DNER: variants seen among roughly 807,000 people sequenced by gnomAD.
DNER encodes the protein delta and Notch-like epidermal growth factor-related receptor.
A neutral mutation model predicts 78.2 loss-of-function variants in DNER; 33 were observed. The ratio of observed to expected loss-of-function variants is 0.42; its 90% CI spans 0.32 to 0.56. The LOEUF is 0.56. Among genes scored for constraint, DNER ranks in the 20% least tolerant of loss-of-function variants. The pLI is 0.11. For synonymous variants in DNER, 417 were observed against 384.8 expected (o/e 1.08, Z -0.98); for missense variants, 918 against 975.3 (o/e 0.94, Z 0.78).
At chr2:229,499,931 C>CTTTCTTTTTTTT (rs1286404166) in intron 6 of DNER, among the ~76,000 whole-genome samples, 8 of 134,832 alleles carry the variant, frequency 5.9e-5, no homozygotes, top group South Asian at 2.3e-4. Context: ...GACTTTCTTT[C>CTTTCTTTTTTTT]TTTTTTTTTT....
At chr2:229,571,228 T>C (rs919029582) in intron 4 of DNER, among the ~76,000 whole-genome samples, 4 of 152,026 alleles carry the variant, frequency 2.6e-5, no homozygotes, top group Admixed American at 6.6e-5. Flanking sequence ...TTAAGGATGA[T>C]GCCCAGGCCT....
At chr2:229,505,733 T>C (rs1357527644) in intron 6 of DNER, among the ~76,000 whole-genome samples, 1 of 152,200 alleles carries the variant, frequency 6.6e-6, no homozygotes, top group Non-Finnish European at 1.5e-5. Context: ...TTATACACGT[T>C]TCAAGAACCT....
rs114872846 is a variant in DNER, at chr2:229,556,242, G to A, written c.848-9150C>T. Among the ~76,000 whole-genome samples, 331 of 152,288 alleles carry A rather than the reference G, an allele frequency of 2.2e-3. 4 individuals are homozygous for A. Among genetic ancestry groups the A allele is most frequent in the African/African-American group, 7.6e-3 (314 of 41,546 alleles). ...GTGAGACACCACTGTAAATTCTAAG[G>A]TTACAAAGATAAGTCACGCTTGGTT... On this transcript the variant is annotated intron_variant, in intron 4 of 12. Transcript: ENST00000341772.
intron 1 of DNER, among the ~76,000 whole-genome samples, chr2:229,691,418 G>T (rs1264262491): frequency 6.6e-6 from 1 of 152,016 alleles, no homozygotes; most frequent in Non-Finnish European, 1.5e-5. Context: ...TCCTAAATGA[G>T]GGGAGATTAA....
intron 11 of DNER, among the ~76,000 whole-genome samples, chr2:229,368,105 T>C (rs1692393227): frequency 6.6e-6 from 1 of 152,214 alleles, no homozygotes; most frequent in South Asian, 2.1e-4. Context: ...CTCATGCTTG[T>C]AATCCCAGCA....
chr2:229,485,502 G>T (rs1278391477), intron 6 of DNER, among the ~76,000 whole-genome samples: 2 of 152,160 alleles, frequency 1.3e-5, no homozygotes, highest in Non-Finnish European at 2.9e-5. Context: ...TCTAGAGAGA[G>T]AAGAGTGGCT....
intron 1 of DNER, among the ~76,000 whole-genome samples, chr2:229,671,589 C>T (rs74337721): frequency 0.021 from 3,138 of 152,280 alleles, 76 homozygotes; most frequent in African/African-American, 0.062. Context: ...GTTCACTGTC[C>T]TATGCCCACC....
At chr2:229,638,065 A>C (rs1464116930) in intron 1 of DNER, among the ~76,000 whole-genome samples, 2 of 152,216 alleles carry the variant, frequency 1.3e-5, no homozygotes, top group Non-Finnish European at 2.9e-5. Flanking sequence ...AATTATGAAC[A>C]ATCCTTTAAA....
chr2:229,582,098 A>C (rs1697408367), intron 4 of DNER, among the ~76,000 whole-genome samples: 1 of 152,198 alleles, frequency 6.6e-6, no homozygotes, highest in African/African-American at 2.4e-5. Flanking sequence ...GCCCACCCTA[A>C]CATTGGTTTG....
intron 11 of DNER, among the ~76,000 whole-genome samples, chr2:229,384,444 A>T (rs1399423498): frequency 2.0e-5 from 3 of 152,130 alleles, no homozygotes; most frequent in African/African-American, 7.2e-5. Context: ...GACAAGAAAA[A>T]CCCTTCAAAA....
intron 1 of DNER, among the ~76,000 whole-genome samples, chr2:229,699,024 G>T (rs1699703996): frequency 6.6e-6 from 1 of 152,176 alleles, no homozygotes; most frequent in African/African-American, 2.4e-5. Flanking sequence ...AGGGAAATTT[G>T]CATTTTGCTG....
intron 1 of DNER, among the ~76,000 whole-genome samples, chr2:229,669,968 G>A (rs903258005): frequency 1.3e-5 from 2 of 152,164 alleles, no homozygotes; most frequent in East Asian, 1.9e-4. Flanking sequence ...ACCAATCCCT[G>A]TGCAAGCTGC....
At chr2:229,664,956 A>G (rs566592961) in intron 1 of DNER, among the ~76,000 whole-genome samples, 35 of 152,334 alleles carry the variant, frequency 2.3e-4, no homozygotes, top group African/African-American at 8.4e-4. Flanking sequence ...AGCATTCTTT[A>G]TCATGAGAAG....
intron 8 of DNER, among the ~76,000 whole-genome samples, chr2:229,433,820 C>T (rs1390476076): frequency 6.6e-6 from 1 of 152,152 alleles, no homozygotes; most frequent in Non-Finnish European, 1.5e-5. Context: ...AATTGACTAT[C>T]ATATACTAGA....
intron 8 of DNER, among the ~76,000 whole-genome samples, chr2:229,433,396 G>A (rs1694058968): frequency 1.3e-5 from 2 of 152,136 alleles, no homozygotes; most frequent in Admixed American, 6.5e-5. Context: ...ATGGACTAAA[G>A]GAAGCTACCC....
intron 1 of DNER, among the ~76,000 whole-genome samples, chr2:229,605,464 C>T (rs186155662): frequency 6.6e-6 from 1 of 152,216 alleles, no homozygotes; most frequent in East Asian, 1.9e-4. Flanking sequence ...CTTTTAAATG[C>T]AAATATTTAG....
intron 1 of DNER, among the ~76,000 whole-genome samples, chr2:229,686,791 C>A (rs1013810182): frequency 6.6e-6 from 1 of 152,214 alleles, no homozygotes; most frequent in African/African-American, 2.4e-5. Context: ...GTAAGCCAAA[C>A]AGGTGGCTTT....
intron 4 of DNER, among the ~76,000 whole-genome samples, chr2:229,563,662 CCATCAT>C (rs1228267674): frequency 3.0e-5 from 4 of 132,952 alleles, no homozygotes; most frequent in Non-Finnish European, 4.7e-5. Context: ...CACCCCATCA[CCATCAT>C]CATCAACATT....
chr2:229,585,906 GT>G lies in DNER; in HGVS notation c.798del (p.Leu267TrpfsTer19). On this transcript the variant is annotated frameshift_variant, in exon 4 of 13. Coordinates refer to ENST00000341772, the MANE Select transcript of DNER (RefSeq NM_139072.4). LOFTEE classifies it high-confidence loss of function. ...RSVTPLQASGGLVLLEEMLAL... is the reference protein window; with the variant it reads ...RSVTPLQASGXLVLLEEMLAL... ...GCGAGCATCTCCTCCAGGAGGACCA[GT>G]CCCCCTGAAGCCTGAAGGGGGGTCA... 6.2e-7 allele frequency: 1 copy of G among 1,614,072 alleles called. No individual in the cohort carries two copies.
Sources: allele counts gnomAD v4.1 joint callset (sites outside exome capture counted in the v4.1 genomes callset), GRCh38; gene constraint gnomAD v4.1.1; transcripts MANE v1.5; gene names NCBI Gene and HGNC (gene_info 2026-07-23, HGNC 2026-07-21).